SOX5: variants seen among roughly 807,000 people sequenced by gnomAD.
The protein encoded by SOX5 is SRY-box transcription factor 5, also known as transcription factor SOX-5.
Under a neutral mutation model 92.0 loss-of-function variants are expected in SOX5, and 9 were observed. The observed-to-expected ratio is 0.10, with a 90% CI of 0.06 to 0.17. The LOEUF (loss-of-function observed/expected upper bound fraction) is 0.17. Among genes scored for constraint, SOX5 ranks in the 10% least tolerant of loss-of-function variants. The pLI is 1.00. For synonymous variants in SOX5, 344 were observed against 336.3 expected, an observed-to-expected ratio of 1.02 and a Z score of -0.25; for missense variants, 642 against 944.5, an observed-to-expected ratio of 0.68 and a Z score of 4.20.
chr12:23,692,936 T>C (rs897482010), intron 6 of SOX5, among the ~76,000 whole-genome samples: 3 of 152,198 alleles, frequency 2.0e-5, no homozygotes, highest in Admixed American at 6.5e-5. Context: ...TCCCTAGTAA[T>C]GCATTTTGGC....
chr12:23,729,938 T>C (rs889871490), intron 6 of SOX5, among the ~76,000 whole-genome samples: 2 of 152,198 alleles, frequency 1.3e-5, no homozygotes, highest in Middle Eastern at 3.4e-3. Context: ...CCCAAAACTA[T>C]AGAAACCCTG....
intron 3 of SOX5, among the ~76,000 whole-genome samples, chr12:23,838,426 T>A (rs148936478): frequency 0.011 from 1,634 of 151,974 alleles, 28 homozygotes; most frequent in African/African-American, 0.037. Flanking sequence ...AGTCTATTTA[T>A]AGTTTTGTAT....
At chr12:24,199,118 T>C (rs976309205) in intron 4 of SOX5, among the ~76,000 whole-genome samples, 5 of 152,014 alleles carry the variant, frequency 3.3e-5, no homozygotes, top group African/African-American at 4.8e-5. Flanking sequence ...CTGAGGATTG[T>C]GGTAAGGATG....
At chr12:23,543,713 A>G (rs565467730) in intron 12 of SOX5, among the ~76,000 whole-genome samples, 11 of 152,358 alleles carry the variant, frequency 7.2e-5, no homozygotes, top group Middle Eastern at 3.4e-3. Context: ...AGATTAAATC[A>G]ACAGGCATAC....
At chr12:23,789,747 C>T (rs1181195323) in intron 3 of SOX5, among the ~76,000 whole-genome samples, 1 of 152,032 alleles carries the variant, frequency 6.6e-6, no homozygotes, top group African/African-American at 2.4e-5. Flanking sequence ...GGTAATAGAA[C>T]ACAAAATTAC....
At chr12:24,131,362 G>A (rs187178444) in intron 4 of SOX5, among the ~76,000 whole-genome samples, 3 of 152,270 alleles carry the variant, frequency 2.0e-5, no homozygotes, top group Admixed American at 2.0e-4. Flanking sequence ...TTTTACTTCT[G>A]TGACATGATT....
chr12:24,270,658 G>A (rs1317690639), intron 3 of SOX5, among the ~76,000 whole-genome samples: 2 of 152,110 alleles, frequency 1.3e-5, no homozygotes, highest in East Asian at 1.9e-4. Context: ...CACAAATTCT[G>A]CACCCTGACC....
intron 2 of SOX5, among the ~76,000 whole-genome samples, chr12:24,308,951 T>G (rs184046085): frequency 6.6e-6 from 1 of 152,208 alleles, no homozygotes; most frequent in African/African-American, 2.4e-5. Flanking sequence ...CCCATACCAT[T>G]TTGTACCTTA....
At chr12:23,937,914 G>A (rs1354643237) in intron 1 of SOX5, among the ~76,000 whole-genome samples, 1 of 150,526 alleles carries the variant, frequency 6.6e-6, no homozygotes, top group African/African-American at 2.4e-5. Flanking sequence ...AATGCCTATA[G>A]TCACAAACTT....
intron 7 of SOX5, among the ~76,000 whole-genome samples, chr12:23,645,917 CTTT>C (rs36118689): frequency 1.2e-4 from 18 of 152,300 alleles, no homozygotes; most frequent in African/African-American, 4.3e-4. Context: ...GTTATGCACA[CTTT>C]TTTGTTTCAC....
At chr12:24,087,097 G>T (rs1224460913) in intron 4 of SOX5, among the ~76,000 whole-genome samples, 1 of 151,944 alleles carries the variant, frequency 6.6e-6, no homozygotes. Context: ...GTTTCTACAT[G>T]TTGGACACTG....
At chr12:23,748,978 T>C (rs1232791994) in intron 4 of SOX5, among the ~76,000 whole-genome samples, 1 of 151,928 alleles carries the variant, frequency 6.6e-6, no homozygotes, top group Admixed American at 6.6e-5. Flanking sequence ...ACAGCCTTTG[T>C]TGAATAAACT....
At chr12:23,684,936 T>C (rs1019533036) in intron 6 of SOX5, among the ~76,000 whole-genome samples, 4 of 152,150 alleles carry the variant, frequency 2.6e-5, no homozygotes, top group African/African-American at 9.7e-5. Flanking sequence ...TGGAAAAGTG[T>C]GGGCTGAGCA....
At chr12:24,057,170 T>G (rs1958217805) in intron 4 of SOX5, among the ~76,000 whole-genome samples, 1 of 151,552 alleles carries the variant, frequency 6.6e-6, no homozygotes. Flanking sequence ...CCTAGCTACA[T>G]GGACATGAGG....
intron 4 of SOX5, among the ~76,000 whole-genome samples, chr12:24,135,042 C>G (rs1383195775): frequency 6.6e-6 from 1 of 152,120 alleles, no homozygotes; most frequent in Non-Finnish European, 1.5e-5. Context: ...GCAAACAAAA[C>G]AAACTAACAA....
intron 4 of SOX5, among the ~76,000 whole-genome samples, chr12:24,031,406 A>G (rs1475370204): frequency 4.6e-5 from 7 of 151,846 alleles, no homozygotes; most frequent in Non-Finnish European, 7.4e-5. Flanking sequence ...TTTGCAACAT[A>G]AATGGACCTG....
At chr12:23,723,623 C>G (rs1007181730) in intron 6 of SOX5, among the ~76,000 whole-genome samples, 2 of 150,468 alleles carry the variant, frequency 1.3e-5, no homozygotes, top group Non-Finnish European at 3.0e-5. Flanking sequence ...CACAAACACA[C>G]ATACACACAC....
chr12:23,645,907 G>C (rs1169142077), intron 7 of SOX5, among the ~76,000 whole-genome samples: 1 of 152,158 alleles, frequency 6.6e-6, no homozygotes, highest in Non-Finnish European at 1.5e-5. Context: ...AATAAAGCAA[G>C]TTATGCACAC....
chr12:23,834,031 A>C (rs927755767), intron 3 of SOX5, among the ~76,000 whole-genome samples: 1 of 151,964 alleles, frequency 6.6e-6, no homozygotes, highest in Non-Finnish European at 1.5e-5. Context: ...TAGAAGACAG[A>C]ATGTAAATAA....
Sources: gnomAD v4.1 joint callset for allele counts (sites outside exome capture counted in the v4.1 genomes callset) on GRCh38, gnomAD v4.1.1 for gene constraint, MANE v1.5 for transcripts, NCBI Gene and HGNC (gene_info 2026-07-23, HGNC 2026-07-21) for gene names.